Variants in ZDHHC20 observed in about 807,000 individuals in gnomAD.
The protein encoded by ZDHHC20 is palmitoyltransferase ZDHHC20.
ZDHHC20 carries 43 observed loss-of-function variants against 57.8 expected under a neutral mutation model. The observed-to-expected ratio is 0.74, with a 90% CI of 0.58 to 0.96. ZDHHC20 has a LOEUF of 0.96. ZDHHC20 is among the 40% of genes least tolerant of loss of function. ZDHHC20 has a pLI of 0.00. For synonymous variants in ZDHHC20, 157 were observed against 153.0 expected (o/e 1.03, Z -0.19); for missense variants, 391 against 441.1 (o/e 0.89, Z 1.02).
intron 1 of ZDHHC20, among the ~76,000 whole-genome samples, chr13:21,451,445 G>A (rs1809372986): frequency 6.6e-6 from 1 of 152,162 alleles, no homozygotes. Context: ...TATAAGTCTT[G>A]TAAGCAGGAT....
chr13:21,430,186 T>C (rs1261529486), intron 1 of ZDHHC20, among the ~76,000 whole-genome samples: 1 of 152,146 alleles, frequency 6.6e-6, no homozygotes, highest in Admixed American at 6.5e-5. Flanking sequence ...TAGATCTTAT[T>C]TAAATTTGTT....
intron 4 of ZDHHC20, among the ~76,000 whole-genome samples, chr13:21,406,705 G>A (rs949729499): frequency 9.9e-5 from 15 of 152,134 alleles, no homozygotes; most frequent in African/African-American, 3.6e-4. Flanking sequence ...CCCTGCAAAG[G>A]ACATGAACTC....
chr13:21,397,518 C>T (rs913310188), intron 7 of ZDHHC20, among the ~76,000 whole-genome samples: 6 of 151,690 alleles, frequency 4.0e-5, no homozygotes, highest in South Asian at 2.1e-4. Context: ...AAAAATTAGC[C>T]GGGCATGGTG....
chr13:21,457,314 C>T (rs763689956), intron 1 of ZDHHC20, among the ~76,000 whole-genome samples: 1 of 152,098 alleles, frequency 6.6e-6, no homozygotes, highest in African/African-American at 2.4e-5. Context: ...AATTAAAATA[C>T]GGTAGGAATA....
chr13:21,435,845 C>T (rs1882487229), intron 1 of ZDHHC20, among the ~76,000 whole-genome samples: 1 of 152,208 alleles, frequency 6.6e-6, no homozygotes, highest in African/African-American at 2.4e-5. Flanking sequence ...GAATCAGATG[C>T]TAAGACAGAG....
intron 5 of ZDHHC20, 97 bp downstream of exon 5, chr13:21,402,700 G>T (rs1204231841): frequency 2.0e-6 from 2 of 988,194 alleles, no homozygotes; most frequent in Non-Finnish European, 3.1e-6. Flanking sequence ...AAGTGTTCTT[G>T]TCAAGTGTAA....
chr13:21,396,266 T>C (rs528971040), intron 7 of ZDHHC20, among the ~76,000 whole-genome samples: 1 of 152,170 alleles, frequency 6.6e-6, no homozygotes, highest in Non-Finnish European at 1.5e-5. Flanking sequence ...ACCTGAATAA[T>C]AACAAAACCT....
chr13:21,410,754 T>C (rs1184235820), intron 4 of ZDHHC20, among the ~76,000 whole-genome samples: 3 of 152,228 alleles, frequency 2.0e-5, no homozygotes, highest in Admixed American at 6.5e-5. Flanking sequence ...ACTGCTGTGC[T>C]GGCAGCAAGA....
At chr13:21,443,770 A>G (rs1883413398) in intron 1 of ZDHHC20, among the ~76,000 whole-genome samples, 1 of 152,228 alleles carries the variant, frequency 6.6e-6, no homozygotes. Flanking sequence ...GGGTCCTTCA[A>G]TATTGTTCAG....
At chr13:21,445,008 G>C (rs1181638820) in intron 1 of ZDHHC20, among the ~76,000 whole-genome samples, 3 of 152,008 alleles carry the variant, frequency 2.0e-5, no homozygotes, top group Non-Finnish European at 4.4e-5. Context: ...GTGAGCTGTG[G>C]TCATGCCAAA....
rs913713780 is a variant in ZDHHC20 at position 21,409,650 on chromosome 13, T to C, written c.370+4002A>G. ...TTTCATCAAGTTGATCTTCAATCAC[T>C]GATATCCTTTCTTCTACTTGATCGA... On this transcript the variant is annotated intron_variant, in intron 4 of 12. Transcript: ENST00000400590. 3.4e-4 allele frequency among the ~76,000 whole-genome samples: 51 copies of C among 152,198 alleles called. 1 individual carries two copies. Among genetic ancestry groups the C allele is most frequent in the African/African-American group, 1.2e-3 (51 of 41,442 alleles).
At chr13:21,392,168 G>C (rs1024313965) in intron 7 of ZDHHC20, among the ~76,000 whole-genome samples, 24 of 149,822 alleles carry the variant, frequency 1.6e-4, no homozygotes, top group African/African-American at 5.7e-4. Flanking sequence ...ACTGAGCCTA[G>C]GAGTTCTAGG....
chr13:21,429,915 A>G (rs1183920909), intron 1 of ZDHHC20, among the ~76,000 whole-genome samples: 5 of 151,750 alleles, frequency 3.3e-5, no homozygotes, highest in Admixed American at 3.3e-4. Context: ...AATTTTGGCT[A>G]TTGTATTTTC....
intron 10 of ZDHHC20, chr13:21,382,002 A>G (rs1359389630): frequency 2.6e-5 from 13 of 492,682 alleles, no homozygotes; most frequent in Admixed American, 4.2e-5. Flanking sequence ...TAGCTAAAAG[A>G]TCCAGGGAGG....
chr13:21,393,030 T>A (rs904034882), intron 7 of ZDHHC20, among the ~76,000 whole-genome samples: 1 of 152,174 alleles, frequency 6.6e-6, no homozygotes, highest in African/African-American at 2.4e-5. Context: ...AGAAACCAAT[T>A]TTTATGCAAA....
chr13:21,406,473 T>C (rs1263115522), intron 4 of ZDHHC20, among the ~76,000 whole-genome samples: 1 of 152,178 alleles, frequency 6.6e-6, no homozygotes, highest in Non-Finnish European at 1.5e-5. Context: ...CCATGGTGGT[T>C]TGCTGCACCT....
chr13:21,394,271 T>G (rs1032263726), intron 7 of ZDHHC20, among the ~76,000 whole-genome samples: 1 of 152,240 alleles, frequency 6.6e-6, no homozygotes, highest in Non-Finnish European at 1.5e-5. Context: ...CGTATCATGT[T>G]CTCTGGGCCT....
At chr13:21,403,279 C>T (rs1309262744) in intron 4 of ZDHHC20, among the ~76,000 whole-genome samples, 2 of 145,646 alleles carry the variant, frequency 1.4e-5, no homozygotes, top group Non-Finnish European at 3.0e-5. Flanking sequence ...TTTTGAAATT[C>T]TGAAATAGTT....
At chr13:21,422,520 T>C (rs969230892) in intron 2 of ZDHHC20, among the ~76,000 whole-genome samples, 1 of 152,118 alleles carries the variant, frequency 6.6e-6, no homozygotes, top group Non-Finnish European at 1.5e-5. Context: ...GTCACGCAGT[T>C]GACCAATGCA....
Sources: allele counts gnomAD v4.1 joint callset (sites outside exome capture counted in the v4.1 genomes callset), GRCh38; gene constraint gnomAD v4.1.1; transcripts MANE v1.5; gene names NCBI Gene and HGNC (gene_info 2026-07-23, HGNC 2026-07-21).